BANK1: variants seen among roughly 807,000 people sequenced by gnomAD.
BANK1 encodes the protein B-cell scaffold protein with ankyrin repeats.
A neutral mutation model predicts 94.5 loss-of-function variants in BANK1; 95 were observed. That is an observed-to-expected ratio of 1.00 (90% confidence interval 0.85 to 1.19). The LOEUF (loss-of-function observed/expected upper bound fraction) is 1.19, where lower values mean the gene tolerates loss of function less well. BANK1 is among the 50% of genes most tolerant of loss of function. BANK1 has a pLI of 0.00. For synonymous variants in BANK1, 334 were observed against 308.4 expected, an observed-to-expected ratio of 1.08 and a Z score of -0.87; for missense variants, 987 against 932.2, an observed-to-expected ratio of 1.06 and a Z score of -0.77.
Position 101,820,194 on chromosome 4 carries a change from G to T in BANK1, c.71-9614G>T, listed in dbSNP as rs79191742. 8.5e-3 allele frequency among the ~76,000 whole-genome samples: 1,298 copies of T among 152,282 alleles called. 17 individuals are homozygous for T. The highest frequency in any genetic ancestry group is 0.06 in the East Asian group (313 of 5,180). On this transcript the variant is annotated intron_variant, in intron 1 of 16. Transcript: ENST00000322953. ...ACAACCATATTGATAAATTCAGTCA[G>T]ATCCAATCTTCTGATTCATCTTTCT...
chr4:101,824,121 A>G (rs1726276969), intron 1 of BANK1, among the ~76,000 whole-genome samples: 1 of 152,214 alleles, frequency 6.6e-6, no homozygotes, highest in South Asian at 2.1e-4. Flanking sequence ...TGCAGGTTGG[A>G]TAAGCTGAGT....
intron 1 of BANK1, among the ~76,000 whole-genome samples, chr4:101,792,389 A>T (rs1725020213): frequency 6.7e-6 from 1 of 148,718 alleles, no homozygotes; most frequent in Non-Finnish European, 1.5e-5. Flanking sequence ...ACATTATCCC[A>T]TGCCCATATT....
intron 5 of BANK1, among the ~76,000 whole-genome samples, chr4:101,871,246 A>T (rs1051093598): frequency 5.3e-5 from 8 of 152,060 alleles, no homozygotes; most frequent in Non-Finnish European, 1.0e-4. Flanking sequence ...TGCCATTTCT[A>T]TTTATAACAA....
At chr4:101,977,754 A>G (rs1725184550) in intron 7 of BANK1, among the ~76,000 whole-genome samples, 1 of 152,162 alleles carries the variant, frequency 6.6e-6, no homozygotes, top group South Asian at 2.1e-4. Flanking sequence ...ACAAAAAATG[A>G]GTCACTTATA....
intron 7 of BANK1, among the ~76,000 whole-genome samples, chr4:102,015,232 T>A (rs1578456835): frequency 6.6e-6 from 1 of 152,264 alleles, no homozygotes; most frequent in Admixed American, 6.5e-5. Flanking sequence ...AAATATAATT[T>A]ATAGTTTGAA....
intron 7 of BANK1, among the ~76,000 whole-genome samples, chr4:101,984,940 C>T (rs1725434387): frequency 6.6e-6 from 1 of 151,914 alleles, no homozygotes; most frequent in African/African-American, 2.4e-5. Context: ...AAGAGTGGAG[C>T]AGGATATTTA....
intron 7 of BANK1, among the ~76,000 whole-genome samples, chr4:101,965,488 A>T (rs1030435726): frequency 2.0e-5 from 3 of 152,092 alleles, no homozygotes; most frequent in African/African-American, 7.2e-5. Context: ...AAAAAAGTTT[A>T]TCTGATATCT....
At chr4:101,921,598 C>A (rs556371340) in intron 7 of BANK1, among the ~76,000 whole-genome samples, 3 of 151,860 alleles carry the variant, frequency 2.0e-5, no homozygotes, top group African/African-American at 7.2e-5. Context: ...CATTCCCATC[C>A]GTTTAGAACC....
At chr4:102,002,827 T>G (rs1346699443) in intron 7 of BANK1, among the ~76,000 whole-genome samples, 1 of 152,132 alleles carries the variant, frequency 6.6e-6, no homozygotes, top group Non-Finnish European at 1.5e-5. Flanking sequence ...CATACTAGAG[T>G]GCAGTGGTGC....
intron 2 of BANK1, among the ~76,000 whole-genome samples, chr4:101,846,908 G>A (rs1267968596): frequency 6.6e-6 from 1 of 152,162 alleles, no homozygotes; most frequent in East Asian, 1.9e-4. Context: ...GCAATAACTA[G>A]CTGTGTGGCC....
At chr4:101,800,269 T>A (rs917858905) in intron 1 of BANK1, among the ~76,000 whole-genome samples, 4 of 152,032 alleles carry the variant, frequency 2.6e-5, no homozygotes, top group Non-Finnish European at 5.9e-5. Context: ...ACCCTAGAAC[T>A]TGAAGTATAA....
intron 1 of BANK1, among the ~76,000 whole-genome samples, chr4:101,828,409 A>ATC (rs1171360484): frequency 4.2e-5 from 6 of 142,378 alleles, no homozygotes; most frequent in Admixed American, 3.5e-4. Flanking sequence ...ATATATATAT[A>ATC]TCTCCATATA....
Position 101,826,005 on chromosome 4 carries a change from T to C in BANK1, c.71-3803T>C, listed in dbSNP as rs767703278. Among the ~76,000 whole-genome samples, 94 of 152,192 alleles carry C rather than the reference T, an allele frequency of 6.2e-4. 1 individual carries two copies. Among genetic ancestry groups the C allele is most frequent in the Non-Finnish European group, 1.0e-3 (69 of 67,894 alleles). On this transcript the variant is annotated intron_variant, in intron 1 of 16. Transcript: ENST00000322953. ...AAGCCAAATAACGTGGGAGTATTTATTCTTTACATTAACATCTACTCATAG... is the reference window on the plus strand; with the variant it reads ...AAGCCAAATAACGTGGGAGTATTTACTCTTTACATTAACATCTACTCATAG...
intron 1 of BANK1, among the ~76,000 whole-genome samples, chr4:101,812,531 T>G (rs1458092776): frequency 6.6e-6 from 1 of 151,976 alleles, no homozygotes; most frequent in African/African-American, 2.4e-5. Context: ...CGTTTATTTT[T>G]ATATATTCTT....
At chr4:102,066,460 T>C (rs1053992359) in intron 13 of BANK1, among the ~76,000 whole-genome samples, 9 of 152,136 alleles carry the variant, frequency 5.9e-5, no homozygotes, top group Non-Finnish European at 4.4e-5. Flanking sequence ...GGTTTCACCA[T>C]GTTAGCCAGG....
Position 101,981,551 on chromosome 4 carries a change from T to C in BANK1, c.1207-39963T>C, listed in dbSNP as rs1001766401. On this transcript the variant is annotated intron_variant, in intron 7 of 16. Coordinates refer to ENST00000322953, the MANE Select transcript of BANK1 (RefSeq NM_017935.5). Reference sequence around the variant, plus strand: ...TATGTTTTTCTGAAATCATTGATGATTTTAGCTATACATGTTTCAAATAGG... The same window carrying C: ...TATGTTTTTCTGAAATCATTGATGACTTTAGCTATACATGTTTCAAATAGG... 3.3e-5 allele frequency among the ~76,000 whole-genome samples: 5 copies of C among 152,120 alleles called. No individual in the cohort carries two copies. In the South Asian group the frequency reaches 8.3e-4, roughly 25 times the overall value.
At chr4:101,914,555 G>C (rs962029658) in intron 6 of BANK1, among the ~76,000 whole-genome samples, 1 of 152,106 alleles carries the variant, frequency 6.6e-6, no homozygotes, top group African/African-American at 2.4e-5. Flanking sequence ...TAAAGTAATC[G>C]AATAAGTCAA....
chr4:102,018,104 A>T (rs1418905477), intron 7 of BANK1, among the ~76,000 whole-genome samples: 1 of 152,198 alleles, frequency 6.6e-6, no homozygotes, highest in African/African-American at 2.4e-5. Flanking sequence ...GTGCCCTTCA[A>T]GTTTTGTTTT....
intron 5 of BANK1, among the ~76,000 whole-genome samples, chr4:101,880,294 A>C (rs910527018): frequency 3.3e-5 from 5 of 152,116 alleles, no homozygotes; most frequent in African/African-American, 1.2e-4. Flanking sequence ...GTATGCCAAC[A>C]GTGAACAATC....
Sources: allele counts gnomAD v4.1 joint callset (sites outside exome capture counted in the v4.1 genomes callset), GRCh38; gene constraint gnomAD v4.1.1; transcripts MANE v1.5; gene names NCBI Gene and HGNC (gene_info 2026-07-23, HGNC 2026-07-21).